HDHD5: variants seen among roughly 807,000 people sequenced by gnomAD.
The protein encoded by HDHD5 is haloacid dehalogenase like hydrolase domain containing 5.
In HDHD5, 34 loss-of-function variants were observed where a neutral mutation model predicts 35.5. The observed-to-expected ratio is 0.96, with a 90% CI of 0.73 to 1.28. HDHD5 has a LOEUF of 1.28. Ranked by LOEUF, HDHD5 falls within the 50% of genes most tolerant of loss-of-function variation. The probability of loss-of-function intolerance (pLI) is 0.00; values close to 1 mark genes in which losing one functional copy is unlikely to be tolerated. For synonymous variants in HDHD5, 248 were observed against 240.6 expected, an observed-to-expected ratio of 1.03 and a Z score of -0.29; for missense variants, 589 against 560.2, an observed-to-expected ratio of 1.05 and a Z score of -0.52.
At chr22:17,164,590 T>C (rs1230334779) in intron 1 of HDHD5, among the ~76,000 whole-genome samples, 1 of 152,160 alleles carries the variant, frequency 6.6e-6, no homozygotes, top group Admixed American at 6.5e-5. Flanking sequence ...AGCCCTTATG[T>C]TCACATTCCA....
At chr22:17,154,663 A>G (rs2123874247) in intron 1 of HDHD5, among the ~76,000 whole-genome samples, 1 of 146,378 alleles carries the variant, frequency 6.8e-6, no homozygotes, top group South Asian at 2.1e-4. Flanking sequence ...GCACTCTGTC[A>G]CCAAGGCTGG....
intron 1 of HDHD5, among the ~76,000 whole-genome samples, chr22:17,155,013 G>C (rs2061770864): frequency 6.6e-6 from 1 of 151,930 alleles, no homozygotes; most frequent in African/African-American, 2.4e-5. Flanking sequence ...AAATCTTAGA[G>C]CCACAAAAAA....
At chr22:17,146,252 G>C (rs1417370842) in intron 3 of HDHD5, among the ~76,000 whole-genome samples, 5 of 152,084 alleles carry the variant, frequency 3.3e-5, no homozygotes, top group Non-Finnish European at 1.5e-5. Flanking sequence ...AGAAGCCACA[G>C]GCAACTCCTG....
intron 6 of HDHD5, among the ~76,000 whole-genome samples, chr22:17,140,000 A>C (rs1340896498): frequency 6.6e-6 from 1 of 152,212 alleles, no homozygotes; most frequent in African/African-American, 2.4e-5. Context: ...ATCTAGTGTC[A>C]GCATACCCGC....
chr22:17,138,401 C>T, intron 7 of HDHD5, 44 bp from the exon 8 acceptor site: 1 of 1,583,898 alleles, frequency 6.3e-7, no homozygotes. Context: ...GGAGAAAAAA[C>T]CCTAAATCAA....
intron 3 of HDHD5, among the ~76,000 whole-genome samples, chr22:17,147,353 T>A (rs1159113962): frequency 8.3e-5 from 8 of 96,032 alleles, no homozygotes; most frequent in East Asian, 3.2e-4. Flanking sequence ...CCCACACCTG[T>A]GGCGCACTCC....
At chr22:17,145,487 T>C (rs1288265744) in intron 3 of HDHD5, among the ~76,000 whole-genome samples, 3 of 152,178 alleles carry the variant, frequency 2.0e-5, no homozygotes, top group Admixed American at 2.0e-4. Context: ...GAGGATGGCT[T>C]GAGCCCAGGA....
At chr22:17,153,399 G>A (rs1168545526) in intron 1 of HDHD5, among the ~76,000 whole-genome samples, 8 of 152,142 alleles carry the variant, frequency 5.3e-5, no homozygotes, top group Non-Finnish European at 1.2e-4. Context: ...GCACCTCAGA[G>A]AAAACAGGGG....
chr22:17,161,022 A>G (rs5747015), upstream of HDHD5, among the ~76,000 whole-genome samples: 55,707 of 151,812 alleles, frequency 0.37, 10,679 homozygotes, highest in East Asian at 0.62. Context: ...TGGGAGGCCA[A>G]GTCAGGCGGA....
At chr22:17,162,026 C>T (rs1207292872), upstream of HDHD5, among the ~76,000 whole-genome samples, 6 of 152,278 alleles carry the variant, frequency 3.9e-5, no homozygotes, top group African/African-American at 1.2e-4. Flanking sequence ...GATACTGTGA[C>T]TTCCACCTTG....
chr22:17,155,796 A>G (rs1362660464), intron 1 of HDHD5, among the ~76,000 whole-genome samples: 1 of 152,208 alleles, frequency 6.6e-6, no homozygotes, highest in Admixed American at 6.5e-5. Context: ...GTTTCAGTCA[A>G]TGACACACTG....
At chr22:17,149,518 C>A in intron 2 of HDHD5, 24 bp downstream of exon 2, 1 of 1,607,954 alleles carries the variant, frequency 6.2e-7, no homozygotes, top group Non-Finnish European at 8.5e-7. Context: ...CCTTGGGCTT[C>A]CATGCCTCTG....
intron 1 of HDHD5, among the ~76,000 whole-genome samples, chr22:17,165,044 A>G (rs2061883531): frequency 6.6e-6 from 1 of 152,154 alleles, no homozygotes; most frequent in East Asian, 1.9e-4. Context: ...CTCTCTCATC[A>G]CACACATACA....
chr22:17,153,713 T>C (rs1392990682), intron 1 of HDHD5, among the ~76,000 whole-genome samples: 1 of 152,144 alleles, frequency 6.6e-6, no homozygotes, highest in Admixed American at 6.5e-5. Context: ...GGGGATGTGA[T>C]TTGCCCTTTA....
intron 3 of HDHD5, among the ~76,000 whole-genome samples, chr22:17,145,942 G>C (rs1284701556): frequency 6.6e-6 from 1 of 152,092 alleles, no homozygotes; most frequent in Non-Finnish European, 1.5e-5. Flanking sequence ...TCTAAGATCT[G>C]CCTCCATTTT....
intron 6 of HDHD5, among the ~76,000 whole-genome samples, chr22:17,139,991 T>C (rs2061581715): frequency 2.0e-5 from 3 of 152,132 alleles, no homozygotes; most frequent in Admixed American, 1.3e-4. Context: ...AGCCCACTGA[T>C]CTAGTGTCAG....
At chr22:17,159,055 TC>T (rs2061836806) in intron 1 of HDHD5, 70 bp downstream of exon 1, 1 of 1,167,402 alleles carries the variant, frequency 8.6e-7, no homozygotes, top group Non-Finnish European at 1.1e-6. Context: ...CGCCCCTCCT[TC>T]CCCGCGGCTC....
chr22:17,148,528 G>A lies in HDHD5; in HGVS notation c.363C>T (p.Ser121=), dbSNP rs1460496724. 3.1e-6 allele frequency: 5 copies of A among 1,614,094 alleles called. No individual in the cohort carries two copies. The highest frequency in any genetic ancestry group is 8.5e-7 in the Non-Finnish European group (1 of 1,180,054). ...GGTACTCGGAGAAGAGCTTCATGGG[G>A]CTGTGAGAGAGGATAACTTGGTCTG... ...VDADQVILSH[S]PMKLFSEYHE... is the part of the protein sequence containing the mutation. Residue 121 remains serine (S), a synonymous_variant, in exon 3 of 8, where the codon AGC becomes AGT. Transcript: ENST00000336737.
chr22:17,161,258 AAAAG>A (rs1390181742), upstream of HDHD5, among the ~76,000 whole-genome samples: 117 of 149,908 alleles, frequency 7.8e-4, no homozygotes, highest in East Asian at 1.0e-3. Context: ...AAAAAAAAAA[AAAAG>A]AAAGAAGAAA....
Sources: allele counts gnomAD v4.1 joint callset (sites outside exome capture counted in the v4.1 genomes callset), GRCh38; gene constraint gnomAD v4.1.1; transcripts MANE v1.5; gene names NCBI Gene and HGNC (gene_info 2026-07-23, HGNC 2026-07-21).